Variants in TLN1 observed in about 807,000 individuals in gnomAD.
The protein encoded by TLN1 is talin-1.
In TLN1, 56 loss-of-function variants were observed where a neutral mutation model predicts 292.3. The ratio of observed to expected loss-of-function variants is 0.19; its 90% confidence interval spans 0.15 to 0.24. TLN1 has a LOEUF of 0.24. TLN1 is among the 10% of genes least tolerant of loss of function. The pLI is 1.00. For synonymous variants in TLN1, 1,119 were observed against 1,253.7 expected, an observed-to-expected ratio of 0.89 and a Z score of 2.27; for missense variants, 2,433 against 3,248.2, an observed-to-expected ratio of 0.75 and a Z score of 6.10.
intron 43 of TLN1, among the ~76,000 whole-genome samples, 188 bp from the exon 44 acceptor site, chr9:35,705,003 CACAGAAAAT>C (rs1825539541): frequency 6.6e-6 from 1 of 152,184 alleles, no homozygotes; most frequent in Non-Finnish European, 1.5e-5. Flanking sequence ...ACCTCCTACA[CACAGAAAAT>C]AGTAGCACGC....
chr9:35,721,530 C>T, intron 10 of TLN1, 118 bp downstream of exon 10: 1 of 1,146,352 alleles, frequency 8.7e-7, no homozygotes, highest in Non-Finnish European at 1.2e-6. Context: ...CTACTCTAAC[C>T]TCCTTTTTTT....
Position 35,719,236 on chromosome 9 carries a change from G to T in TLN1, c.1734C>A (p.Thr578=), listed in dbSNP as rs765830167. The change falls in exon 16 of 57, where the codon ACC becomes ACA. Residue 578 remains threonine, a synonymous_variant. Transcript: ENST00000314888. This position sits in a 1 kb window ranked among gnomAD's most constrained non-coding sequence, Gnocchi z 4.6. ...TDYTAVGCAV[T]TISSNLTEMS... ...TCTCCGTCAGGTTGGAGGAGATTGT[G>T]GTGACTGCACAGCCCACTGCGGTAT... 2 of 1,614,168 alleles carry T rather than the reference G, an allele frequency of 1.2e-6. No homozygotes were observed. Among genetic ancestry groups the T allele is most frequent in the South Asian group, 2.2e-5 (2 of 91,076 alleles).
intron 1 of TLN1, among the ~76,000 whole-genome samples, chr9:35,726,984 T>C (rs1242842413): frequency 2.0e-5 from 3 of 152,194 alleles, no homozygotes; most frequent in Non-Finnish European, 2.9e-5. Context: ...TCTCACCCAC[T>C]TCCCCTGACT....
At chr9:35,720,611 G>T in intron 11 of TLN1, 102 bp from the exon 12 acceptor site, 2 of 1,212,886 alleles carry the variant, frequency 1.6e-6, no homozygotes, top group Non-Finnish European at 2.4e-6. Context: ...TCCAGAAGCT[G>T]AGTGTCCATT....
At position 35,703,026 on chromosome 9, in the gene TLN1, C is replaced by T. The variant is rs1043867740; in HGVS notation, c.6474+534G>A. ...GACAGACATGAATGTAGCTCACTGGCACAGTGGCTCATGAGTGTAATCCCA... is the reference window on the plus strand; with the variant it reads ...GACAGACATGAATGTAGCTCACTGGTACAGTGGCTCATGAGTGTAATCCCA... On this transcript the variant is annotated intron_variant, in intron 48 of 56. Transcript: ENST00000314888. 1.4e-4 allele frequency among the ~76,000 whole-genome samples: 21 copies of T among 152,162 alleles called. No individual in the cohort carries two copies. The East Asian group carries it at 3.9e-3, about 28-fold the overall frequency.
At chr9:35,710,222 C>CA (rs68036045) in intron 33 of TLN1, among the ~76,000 whole-genome samples, 3,028 of 66,738 alleles carry the variant, frequency 0.045, 116 homozygotes, top group East Asian at 0.089. Context: ...AACGCTGTCT[C>CA]AAAAAAAAAA....
Position 35,698,406 on chromosome 9 carries a change from G to C in TLN1, c.7288C>G (p.Gln2430Glu). ...AGCTGGGCTGTGGAGGCAGCTACCT[G>C]CTTGGCTGATGAGATGAGCTTCTCC... is the stretch of plus-strand genomic sequence containing the variant. ...SQEKLISSAK[Q>E]VAASTAQLLV... The change falls in exon 55 of 57, where the codon CAG becomes GAG. Residue 2430 changes from glutamine (Q) to glutamate (E), a missense_variant. Transcript: ENST00000314888. This position sits in a 1 kb window ranked among gnomAD's most constrained non-coding sequence, Gnocchi z 5.3. 1 of 1,614,188 alleles carries C rather than the reference G, an allele frequency of 6.2e-7. No homozygotes were observed. The highest frequency in any genetic ancestry group is 8.5e-7 in the Non-Finnish European group (1 of 1,180,040).
chr9:35,726,310 C>T (rs1480678436), intron 1 of TLN1, among the ~76,000 whole-genome samples: 1 of 152,226 alleles, frequency 6.6e-6, no homozygotes, highest in East Asian at 1.9e-4. Context: ...TGCCCTGCCC[C>T]ACCACTGGAA....
intron 1 of TLN1, among the ~76,000 whole-genome samples, chr9:35,726,148 G>A (rs911757064): frequency 2.6e-5 from 4 of 152,086 alleles, no homozygotes; most frequent in Admixed American, 2.6e-4. Flanking sequence ...TCCTGACCTC[G>A]TGATCCACCT....
In TLN1 at chr9:35,712,261, C is replaced by A. The variant is rs1825687002; in HGVS notation, c.3562-137G>T. The A allele has an allele frequency of 1.8e-5, 22 of 1,251,782 alleles. No homozygotes were observed. The South Asian group carries it at 3.1e-4, about 18-fold the overall frequency. 77.5% of individuals were successfully genotyped at this position (1,251,782 alleles called of 1,614,324 possible). On this transcript the variant is annotated intron_variant, in intron 27 of 56. Coordinates refer to ENST00000314888, the MANE Select transcript of TLN1 (RefSeq NM_006289.4). ...AAAGGGGGCGTTGTAGGTGAACAGG[C>A]TGAGGTTAGGGTTTCAAGTGACAGT...
chr9:35,724,317 C>A lies in TLN1; in HGVS notation c.529G>T (p.Gly177Cys). 6.2e-7 allele frequency: 1 copy of A among 1,614,194 alleles called. No homozygotes were observed. Among genetic ancestry groups the A allele is most frequent in the Non-Finnish European group, 8.5e-7 (1 of 1,180,040 alleles). Reference protein sequence around the residue: ...TDDELNWLDHGRTLREQGVEE... With the variant: ...TDDELNWLDHCRTLREQGVEE... ...ACACCCTGCTCCCTCAGTGTCCGAC[C>A]ATGGTCCAGCCAGTTCACTGGGATA... Residue 177 changes from glycine (G) to cysteine (C), a missense_variant, in exon 6 of 57, where the codon GGT (glycine) becomes TGT (cysteine). Physicochemically the swap from Gly to Cys is radical, Grantham distance 159. This residue lies in a region of TLN1 where 155 missense variants were observed against 287.9 expected (regional missense o/e 0.54). Coordinates refer to ENST00000314888, the MANE Select transcript of TLN1 (RefSeq NM_006289.4). This position sits in a 1 kb window ranked among gnomAD's most constrained non-coding sequence, Gnocchi z 4.7.
Position 35,722,812 on chromosome 9 carries a change from C to G in TLN1, c.843+49G>C, listed in dbSNP as rs74351583. 5 of 1,590,862 alleles carry G rather than the reference C, an allele frequency of 3.1e-6. No individual in the cohort carries two copies. In the East Asian group the frequency reaches 1.1e-4, roughly 36 times the overall value. ...GGGCCATTTAGTCAGTAAGATTAAG[C>G]AGCAAAGCTCCGCGGTCATCCCAAA... On this transcript the variant is annotated intron_variant, in intron 8 of 56. Coordinates refer to ENST00000314888, the MANE Select transcript of TLN1 (RefSeq NM_006289.4).
chr9:35,714,049 A>C lies in TLN1; in HGVS notation c.3153T>G (p.Asp1051Glu). Residue 1051 changes from aspartate to glutamate, a missense_variant, in exon 25 of 57, where the codon GAT becomes GAG. Transcript: ENST00000314888. The surrounding 1 kb of genome is among the most constrained non-coding windows in gnomAD (Gnocchi z 4.6). ...AQEACGPLEM[D>E]SALSVVQNLE... ...GATTCTGTACCACACTCAGTGCAGA[A>C]TCCATCTCCAAAGGTCCACATGCTT... The C allele has an allele frequency of 6.2e-7, 1 of 1,614,212 alleles. No homozygotes were observed. The highest frequency in any genetic ancestry group is 8.5e-7 in the Non-Finnish European group (1 of 1,180,022).
chr9:35,717,220 G>A lies in TLN1; in HGVS notation c.2384C>T (p.Ala795Val), dbSNP rs1825802691. The A allele has an allele frequency of 6.2e-7, 1 of 1,613,948 alleles. No homozygotes were observed. Among genetic ancestry groups the A allele is most frequent in the Admixed American group, 1.7e-5 (1 of 60,014 alleles). Residue 795 changes from alanine to valine, a missense_variant, in exon 19 of 57, where the codon GCT (alanine) becomes GTT (valine). Coordinates refer to ENST00000314888, the MANE Select transcript of TLN1 (RefSeq NM_006289.4). The surrounding 1 kb of genome is among the most constrained non-coding windows in gnomAD (Gnocchi z 4.7). ...GTCAGTAGCCTGGTCATAACGGCCA[G>A]CAGGCCCAGCCCCTGTGGCATGGGC... ...VKAHATGAGP[A>V]GRYDQATDTI... is the part of the protein sequence containing the mutation.
At chr9:35,720,739 C>T in intron 11 of TLN1, 73 bp downstream of exon 11, 1 of 1,429,320 alleles carries the variant, frequency 7.0e-7, no homozygotes, top group Non-Finnish European at 9.8e-7. Context: ...AATCTGAGTG[C>T]CCATTTCTAA....
Position 35,704,233 on chromosome 9 carries a change from C to T in TLN1, c.6048-59G>A. The T allele has an allele frequency of 6.4e-7, 1 of 1,570,004 alleles. No individual in the cohort carries two copies. Among genetic ancestry groups the T allele is most frequent in the Non-Finnish European group, 8.6e-7 (1 of 1,156,330 alleles). ...TACCCGCTCCAGCCCGTCCAAGGTGCCTGGTCCAGGTCTTCCCCATTCCAG... is the reference window on the plus strand; with the variant it reads ...TACCCGCTCCAGCCCGTCCAAGGTGTCTGGTCCAGGTCTTCCCCATTCCAG... On this transcript the variant is annotated intron_variant, in intron 45 of 56. Transcript: ENST00000314888. This position sits in a 1 kb window ranked among gnomAD's most constrained non-coding sequence, Gnocchi z 6.9.
chr9:35,713,183 T>C lies in TLN1; in HGVS notation c.3352+13A>G. The C allele has an allele frequency of 1.3e-6, 2 of 1,588,612 alleles. No individual in the cohort carries two copies. Among genetic ancestry groups the C allele is most frequent in the Non-Finnish European group, 1.7e-6 (2 of 1,159,118 alleles). On this transcript the variant is annotated intron_variant, in intron 26 of 56. Transcript: ENST00000314888. ...TCACAATATGCCCCATGCCTGGCTC[T>C]CTGCCCACATACCTGCATAATTCTC...
At chr9:35,708,514 G>T (rs771633235) in intron 33 of TLN1, 30 bp from the exon 34 acceptor site, 2 of 1,515,604 alleles carry the variant, frequency 1.3e-6, no homozygotes, top group Non-Finnish European at 1.8e-6. Context: ...TGGGGGTGAG[G>T]AATAAAGATT....
In TLN1 at chr9:35,708,862, T is replaced by C. The variant is rs144746899; in HGVS notation, c.4327-378A>G. 5.8e-4 allele frequency among the ~76,000 whole-genome samples: 88 copies of C among 152,322 alleles called. No homozygotes were observed. The East Asian group carries it at 0.016, about 28-fold the overall frequency. ...AGCCATATATAAATACACACCTTTGTGCACACAAGCAAAGCCTCTTTTAAA... is the reference window on the plus strand; with the variant it reads ...AGCCATATATAAATACACACCTTTGCGCACACAAGCAAAGCCTCTTTTAAA... On this transcript the variant is annotated intron_variant, in intron 33 of 56. Transcript: ENST00000314888.
Sources: gnomAD v4.1 joint callset for allele counts (sites outside exome capture counted in the v4.1 genomes callset) on GRCh38, gnomAD v4.1.1 for gene constraint, gnomAD v4.1.1 regional missense constraint, Gnocchi (gnomAD v3.1) non-coding constraint, MANE v1.5 for transcripts, NCBI Gene and HGNC (gene_info 2026-07-23, HGNC 2026-07-21) for gene names.